Variants in NRIP1 observed in about 807,000 individuals in gnomAD.
NRIP1 encodes nuclear receptor interacting protein 1, also known as nuclear receptor-interacting protein 1.
In NRIP1, 28 loss-of-function variants were observed where a neutral mutation model predicts 75.0. The ratio of observed to expected loss-of-function variants is 0.37; its 90% CI spans 0.28 to 0.51. NRIP1 has a LOEUF of 0.51. Ranked by LOEUF, NRIP1 falls within the 20% of genes least tolerant of loss-of-function variation. The pLI is 0.92. For missense variants in NRIP1, 1,435 were observed against 1,343.7 expected, an observed-to-expected ratio of 1.07 and a Z score of -1.06; for synonymous variants, 526 against 487.6, an observed-to-expected ratio of 1.08 and a Z score of -1.04.
chr21:15,028,206 T>C (rs1050761127), intron 2 of NRIP1, among the ~76,000 whole-genome samples: 6 of 152,206 alleles, frequency 3.9e-5, no homozygotes, highest in South Asian at 2.1e-4. Flanking sequence ...TCTTGTTAAA[T>C]GCAAATGAGT....
At chr21:15,034,591 G>C (rs1046589812) in intron 2 of NRIP1, among the ~76,000 whole-genome samples, 1 of 152,062 alleles carries the variant, frequency 6.6e-6, no homozygotes, top group South Asian at 2.1e-4. Context: ...ACCCAGTATT[G>C]ATCTAGATAT....
chr21:15,049,784 A>G (rs1199636790), intron 1 of NRIP1, among the ~76,000 whole-genome samples: 1 of 152,116 alleles, frequency 6.6e-6, no homozygotes, highest in Admixed American at 6.5e-5. Flanking sequence ...CTATGATATT[A>G]TAAAATTCAT....
At chr21:15,028,523 A>T (rs1380518402) in intron 2 of NRIP1, among the ~76,000 whole-genome samples, 2 of 152,164 alleles carry the variant, frequency 1.3e-5, no homozygotes, top group Non-Finnish European at 1.5e-5. Flanking sequence ...TTCTTTTTGT[A>T]TGTATATTTT....
chr21:14,977,096 A>C (rs557852088), intron 3 of NRIP1, among the ~76,000 whole-genome samples: 1 of 152,328 alleles, frequency 6.6e-6, no homozygotes, highest in African/African-American at 2.4e-5. Context: ...TAATTATGTC[A>C]TTCAAGAATA....
intron 2 of NRIP1, among the ~76,000 whole-genome samples, chr21:15,024,555 T>G (rs2088467148): frequency 6.8e-6 from 1 of 146,608 alleles, no homozygotes; most frequent in African/African-American, 2.7e-5. Context: ...CACACAAAAC[T>G]TTGGTATCCA....
intron 1 of NRIP1, among the ~76,000 whole-genome samples, chr21:15,046,228 C>A: frequency 6.6e-6 from 1 of 152,204 alleles, no homozygotes; most frequent in African/African-American, 2.4e-5. Context: ...AGATGTATTT[C>A]TTCAATAGTA....
At chr21:15,022,206 C>CAGCCAT (rs1371328258) in intron 2 of NRIP1, among the ~76,000 whole-genome samples, 3 of 152,154 alleles carry the variant, frequency 2.0e-5, no homozygotes, top group African/African-American at 7.2e-5. Context: ...GAATACTATG[C>CAGCCAT]AGCCATAAAA....
rs150286884 is a variant in NRIP1, at chr21:14,971,136, G to A, written c.-334-2610C>T. On this transcript the variant is annotated intron_variant, in intron 3 of 3. Transcript: ENST00000318948. ...GAAAACAATTTTTAACTTCAAGAAC[G>A]AAAATGACATATACAAATAATTTTA... Among the ~76,000 whole-genome samples the A allele has an allele frequency of 9.3e-3, 1,414 of 152,226 alleles. 48 individuals are homozygous for A. Among genetic ancestry groups the A allele is most frequent in the Admixed American group, 0.07 (1,073 of 15,274 alleles).
intron 3 of NRIP1, among the ~76,000 whole-genome samples, chr21:14,977,653 T>G (rs1475477456): frequency 3.3e-5 from 5 of 152,092 alleles, no homozygotes; most frequent in African/African-American, 7.2e-5. Flanking sequence ...CAGGGAATAA[T>G]AAGACAATAA....
intron 3 of NRIP1, among the ~76,000 whole-genome samples, chr21:14,983,871 G>A (rs916184333): frequency 2.0e-5 from 3 of 152,182 alleles, no homozygotes; most frequent in East Asian, 3.8e-4. Context: ...TTTTAAGCCC[G>A]CTGTTGGGAC....
upstream of NRIP1, chr21:15,065,699 T>G (rs1169415349): frequency 6.6e-6 from 1 of 152,098 alleles, no homozygotes; most frequent in South Asian, 2.1e-4. Context: ...GTGGAGCGAC[T>G]CTGGGAGGAA....
intron 2 of NRIP1, among the ~76,000 whole-genome samples, chr21:15,029,875 C>A (rs1262927679): frequency 6.6e-6 from 1 of 152,098 alleles, no homozygotes; most frequent in African/African-American, 2.4e-5. Flanking sequence ...TGTGATCTCA[C>A]CAGAGAGTCT....
At chr21:14,979,832 G>A (rs2087181581) in intron 3 of NRIP1, among the ~76,000 whole-genome samples, 1 of 152,028 alleles carries the variant, frequency 6.6e-6, no homozygotes, top group Admixed American at 6.6e-5. Context: ...GAATTTTTAT[G>A]TGTTTGTGTG....
chr21:15,002,514 T>A (rs2147122155), intron 3 of NRIP1: 1 of 152,216 alleles, frequency 6.6e-6, no homozygotes, highest in East Asian at 1.9e-4. Context: ...ACACGTGCCA[T>A]GAAAATACAG....
At chr21:15,035,877 C>T (rs1246859113) in intron 2 of NRIP1, among the ~76,000 whole-genome samples, 1 of 152,106 alleles carries the variant, frequency 6.6e-6, no homozygotes, top group Non-Finnish European at 1.5e-5. Flanking sequence ...TGTAATGATG[C>T]TATTCATCCT....
chr21:15,024,255 C>A (rs2147222848), intron 2 of NRIP1, among the ~76,000 whole-genome samples: 1 of 152,206 alleles, frequency 6.6e-6, no homozygotes, highest in South Asian at 2.1e-4. Flanking sequence ...CTGCCAAAAA[C>A]ATTGGGGGTT....
intron 3 of NRIP1, among the ~76,000 whole-genome samples, chr21:15,009,352 T>C (rs1387150441): frequency 1.3e-5 from 2 of 152,154 alleles, no homozygotes; most frequent in African/African-American, 4.8e-5. Context: ...AGAGCTGAAG[T>C]TATAAGGATA....
chr21:14,976,390 A>G (rs1324119579), intron 3 of NRIP1, among the ~76,000 whole-genome samples: 1 of 152,166 alleles, frequency 6.6e-6, no homozygotes, highest in Non-Finnish European at 1.5e-5. Flanking sequence ...GTTTAATGAA[A>G]TATCTAATAA....
intron 3 of NRIP1, 41 bp downstream of exon 3, chr21:15,014,303 A>T: frequency 2.5e-6 from 1 of 395,726 alleles, no homozygotes; most frequent in Non-Finnish European, 4.5e-6. Context: ...TTAAAGTCAT[A>T]ATGATTAAGC....
Sources: gnomAD v4.1 joint callset for allele counts (sites outside exome capture counted in the v4.1 genomes callset) on GRCh38, gnomAD v4.1.1 for gene constraint, MANE v1.5 for transcripts, NCBI Gene and HGNC (gene_info 2026-07-23, HGNC 2026-07-21) for gene names.